Variants in CNTNAP2 observed in about 807,000 individuals in gnomAD.
CNTNAP2 encodes the protein contactin-associated protein-like 2.
In CNTNAP2, 98 loss-of-function variants were observed where a neutral mutation model predicts 155.2. The ratio of observed to expected loss-of-function variants is 0.63; its 90% confidence interval spans 0.54 to 0.75. CNTNAP2 has a LOEUF of 0.75. CNTNAP2 is among the 30% of genes least tolerant of loss of function. CNTNAP2 has a pLI of 0.00. For missense variants in CNTNAP2, 1,727 were observed against 1,688.1 expected (o/e 1.02, Z -0.40); for synonymous variants, 651 against 631.2 (o/e 1.03, Z -0.47).
At chr7:146,404,222 T>G (rs1795758285) in intron 1 of CNTNAP2, among the ~76,000 whole-genome samples, 2 of 152,146 alleles carry the variant, frequency 1.3e-5, no homozygotes, top group Non-Finnish European at 1.5e-5. Context: ...AACTCTTTCT[T>G]TCTCACTCTT....
chr7:146,552,111 A>G (rs1008469278), intron 1 of CNTNAP2, among the ~76,000 whole-genome samples: 15 of 152,182 alleles, frequency 9.9e-5, no homozygotes, highest in African/African-American at 3.6e-4. Flanking sequence ...CCATGAAGAA[A>G]TACTGAAGTA....
At chr7:147,857,143 G>C (rs556385262) in intron 13 of CNTNAP2, among the ~76,000 whole-genome samples, 3 of 152,072 alleles carry the variant, frequency 2.0e-5, no homozygotes, top group Non-Finnish European at 4.4e-5. Flanking sequence ...TTTTTATCTT[G>C]GTTAGTTTAA....
chr7:146,432,299 G>A (rs1796184131), intron 1 of CNTNAP2, among the ~76,000 whole-genome samples: 1 of 152,014 alleles, frequency 6.6e-6, no homozygotes, highest in Admixed American at 6.6e-5. Context: ...ATCTTGCTAT[G>A]TATTATTATC....
chr7:148,024,357 G>A (rs754960740), intron 15 of CNTNAP2, among the ~76,000 whole-genome samples: 2 of 151,990 alleles, frequency 1.3e-5, no homozygotes, highest in Non-Finnish European at 2.9e-5. Context: ...CTATCTCCTA[G>A]CCACAGTGAA....
At chr7:146,651,839 C>A (rs1799917437) in intron 1 of CNTNAP2, among the ~76,000 whole-genome samples, 1 of 152,100 alleles carries the variant, frequency 6.6e-6, no homozygotes, top group Admixed American at 6.6e-5. Context: ...TCATGCAAAA[C>A]CATTGTCTGT....
intron 1 of CNTNAP2, among the ~76,000 whole-genome samples, chr7:146,720,928 A>G (rs912898337): frequency 7.1e-6 from 1 of 140,954 alleles, no homozygotes; most frequent in Non-Finnish European, 1.5e-5. Flanking sequence ...TATATATTCT[A>G]TATATATACT....
chr7:146,191,680 AGG>A (rs1193693648), intron 1 of CNTNAP2, among the ~76,000 whole-genome samples: 1 of 152,098 alleles, frequency 6.6e-6, no homozygotes, highest in African/African-American at 2.4e-5. Flanking sequence ...TCTCTTTCTC[AGG>A]GCTGTTCCTT....
At chr7:147,664,408 T>G (rs572324939) in intron 13 of CNTNAP2, among the ~76,000 whole-genome samples, 2 of 152,334 alleles carry the variant, frequency 1.3e-5, no homozygotes, top group East Asian at 3.9e-4. Context: ...AGGTCTTACA[T>G]AAAGAGAAAA....
intron 3 of CNTNAP2, among the ~76,000 whole-genome samples, chr7:146,900,877 T>C (rs574053770): frequency 6.6e-5 from 10 of 152,290 alleles, no homozygotes; most frequent in South Asian, 2.1e-4. Context: ...CTGCTTAGCA[T>C]AATTCCTGTC....
At chr7:146,544,400 A>G (rs1797998077) in intron 1 of CNTNAP2, among the ~76,000 whole-genome samples, 2 of 151,976 alleles carry the variant, frequency 1.3e-5, no homozygotes, top group Non-Finnish European at 1.5e-5. Flanking sequence ...CTTTGCCTTT[A>G]ACAGCACACT....
intron 1 of CNTNAP2, among the ~76,000 whole-genome samples, chr7:146,314,878 T>A (rs1800882488): frequency 6.6e-6 from 1 of 151,888 alleles, no homozygotes. Context: ...CATGAAGAGG[T>A]CTCTCTGCTT....
intron 15 of CNTNAP2, among the ~76,000 whole-genome samples, chr7:148,039,855 T>C (rs1802637403): frequency 6.6e-6 from 1 of 152,232 alleles, no homozygotes; most frequent in South Asian, 2.1e-4. Flanking sequence ...TCATTTCTAA[T>C]GTTTTTCCTC....
At chr7:148,139,790 C>T (rs375287509) in intron 16 of CNTNAP2, among the ~76,000 whole-genome samples, 9 of 152,246 alleles carry the variant, frequency 5.9e-5, no homozygotes, top group South Asian at 2.1e-4. Context: ...CCACCCGCCT[C>T]GGCCTCCCAA....
intron 13 of CNTNAP2, among the ~76,000 whole-genome samples, chr7:147,755,286 C>CA (rs893680017): frequency 2.0e-5 from 3 of 152,022 alleles, no homozygotes; most frequent in African/African-American, 4.8e-5. Flanking sequence ...AGAACAAAAA[C>CA]AAAAAAGCAT....
intron 14 of CNTNAP2, among the ~76,000 whole-genome samples, chr7:147,929,362 A>G (rs964961717): frequency 5.9e-5 from 9 of 152,202 alleles, no homozygotes; most frequent in South Asian, 2.1e-4. Flanking sequence ...ACTCCTCCCA[A>G]TGCTTCAACA....
At chr7:147,398,664 C>T (rs538862404) in intron 10 of CNTNAP2, among the ~76,000 whole-genome samples, 12 of 124,042 alleles carry the variant, frequency 9.7e-5, no homozygotes, top group Non-Finnish European at 1.3e-4. Context: ...ATTTTCTGAA[C>T]GCAGCTTTGA....
intron 1 of CNTNAP2, among the ~76,000 whole-genome samples, chr7:146,484,871 T>C (rs1057306144): frequency 6.6e-6 from 1 of 152,190 alleles, no homozygotes; most frequent in Non-Finnish European, 1.5e-5. Flanking sequence ...ATTTTTAAGG[T>C]ATAGTTTTTA....
In CNTNAP2 at chr7:148,097,753, C is replaced by CT. The variant is rs1804004298; in HGVS notation, c.2384-20365_2384-20364insT. On this transcript the variant is annotated intron_variant, in intron 15 of 23. Transcript: ENST00000361727. ...CTCCTCGGCTGTTAGAGTGCATAAC[C>CT]CACAGCTCTCAAACTGGTGGAGACA... Among the ~76,000 whole-genome samples, 4 of 152,280 alleles carry CT rather than the reference C, an allele frequency of 2.6e-5. No homozygotes were observed. The South Asian group carries it at 8.3e-4, about 32-fold the overall frequency.
intron 8 of CNTNAP2, among the ~76,000 whole-genome samples, chr7:147,159,795 C>T (rs1801991941): frequency 6.6e-6 from 1 of 152,112 alleles, no homozygotes; most frequent in South Asian, 2.1e-4. Context: ...GTCACGCCTA[C>T]CAACTCACAA....
Sources: allele counts gnomAD v4.1 joint callset (sites outside exome capture counted in the v4.1 genomes callset), GRCh38; gene constraint gnomAD v4.1.1; transcripts MANE v1.5; gene names NCBI Gene and HGNC (gene_info 2026-07-23, HGNC 2026-07-21).